The following KCNB2 variants were observed in gnomAD, a reference collection of about 807,000 sequenced individuals.
KCNB2 encodes the protein potassium voltage-gated channel subfamily B member 2.
KCNB2 carries 15 observed loss-of-function variants against 61.5 expected under a neutral mutation model. The ratio of observed to expected loss-of-function variants is 0.24; its 90% confidence interval spans 0.16 to 0.38. The LOEUF (loss-of-function observed/expected upper bound fraction) is 0.38, where lower values mean the gene tolerates loss of function less well. KCNB2 is among the 10% of genes least tolerant of loss of function. KCNB2 has a pLI of 1.00. For missense variants in KCNB2, 828 were observed against 1,125.2 expected (o/e 0.74, Z 3.78); for synonymous variants, 457 against 446.0 (o/e 1.02, Z -0.31).
intron 2 of KCNB2, among the ~76,000 whole-genome samples, chr8:72,833,515 C>T (rs1213298645): frequency 6.6e-6 from 1 of 152,072 alleles, no homozygotes; most frequent in Non-Finnish European, 1.5e-5. Context: ...ACCAGTAACT[C>T]TCTGCTCTAT....
At chr8:72,601,531 T>C (rs1187600786) in intron 2 of KCNB2, among the ~76,000 whole-genome samples, 1 of 152,206 alleles carries the variant, frequency 6.6e-6, no homozygotes, top group East Asian at 1.9e-4. Context: ...TTGGTGGTAA[T>C]ATACACATGA....
intron 2 of KCNB2, among the ~76,000 whole-genome samples, chr8:72,812,341 C>A (rs541814477): frequency 6.6e-6 from 1 of 151,514 alleles, no homozygotes; most frequent in East Asian, 1.9e-4. Context: ...AAAATAGTAC[C>A]AGATTTACTT....
intron 2 of KCNB2, chr8:72,751,483 GC>G (rs1035945277): frequency 1.3e-5 from 2 of 152,084 alleles, no homozygotes; most frequent in African/African-American, 4.8e-5. Context: ...CAAAAGTTTA[GC>G]CTCTTCCCTA....
intron 2 of KCNB2, among the ~76,000 whole-genome samples, chr8:72,769,067 G>A (rs1412005824): frequency 1.3e-5 from 2 of 152,110 alleles, no homozygotes; most frequent in African/African-American, 2.4e-5. Context: ...GGCTGAGGCA[G>A]GAGAATTGCT....
At chr8:72,836,516 T>C (rs1280219611) in intron 2 of KCNB2, among the ~76,000 whole-genome samples, 1 of 152,184 alleles carries the variant, frequency 6.6e-6, no homozygotes, top group African/African-American at 2.4e-5. Context: ...AACAAGATAA[T>C]GTGTTCCTTT....
intron 2 of KCNB2, among the ~76,000 whole-genome samples, chr8:72,857,451 AG>A (rs1361108193): frequency 6.6e-6 from 1 of 152,202 alleles, no homozygotes; most frequent in African/African-American, 2.4e-5. Flanking sequence ...TGAAGAGTGC[AG>A]GGTAGAACTT....
chr8:72,799,859 G>A (rs971403726), intron 2 of KCNB2, among the ~76,000 whole-genome samples: 1 of 152,126 alleles, frequency 6.6e-6, no homozygotes, highest in Non-Finnish European at 1.5e-5. Flanking sequence ...TGTTCAATAT[G>A]AGCCCTGAAG....
chr8:72,685,363 T>C (rs1806833245), intron 2 of KCNB2, among the ~76,000 whole-genome samples: 1 of 152,178 alleles, frequency 6.6e-6, no homozygotes, highest in African/African-American at 2.4e-5. Context: ...TGGGCAGTGT[T>C]AATTAATTCA....
chr8:72,760,922 C>T (rs1808368090), intron 2 of KCNB2, among the ~76,000 whole-genome samples: 1 of 152,108 alleles, frequency 6.6e-6, no homozygotes, highest in South Asian at 2.1e-4. Context: ...AAACAGAGCT[C>T]ATCACCTCCC....
intron 2 of KCNB2, among the ~76,000 whole-genome samples, chr8:72,682,237 C>CA (rs1806768635): frequency 6.6e-6 from 1 of 152,120 alleles, no homozygotes; most frequent in Admixed American, 6.5e-5. Context: ...ATGGCTACCC[C>CA]ACCTAACATA....
intron 2 of KCNB2, among the ~76,000 whole-genome samples, chr8:72,684,816 A>C (rs149253197): frequency 8.5e-5 from 13 of 152,316 alleles, no homozygotes; most frequent in African/African-American, 3.1e-4. Flanking sequence ...GATTTCTGAG[A>C]TGTGCACCTC....
chr8:72,552,253 A>G (rs1378156247), intron 1 of KCNB2, among the ~76,000 whole-genome samples: 1 of 152,140 alleles, frequency 6.6e-6, no homozygotes, highest in African/African-American at 2.4e-5. Context: ...TAAGAACAGA[A>G]CTTATTTCTT....
chr8:72,849,008 T>G (rs1437829491), intron 2 of KCNB2, among the ~76,000 whole-genome samples: 2 of 150,340 alleles, frequency 1.3e-5, no homozygotes, highest in Non-Finnish European at 3.0e-5. Context: ...TTTCATCATC[T>G]TTAACATTAT....
intron 2 of KCNB2, among the ~76,000 whole-genome samples, chr8:72,791,115 T>C (rs1808934904): frequency 1.3e-5 from 2 of 151,806 alleles, no homozygotes; most frequent in Non-Finnish European, 2.9e-5. Flanking sequence ...ATGTTCAGAG[T>C]GATTAGTATG....
intron 2 of KCNB2, among the ~76,000 whole-genome samples, chr8:72,596,842 A>G (rs921103148): frequency 6.6e-6 from 1 of 152,016 alleles, no homozygotes; most frequent in Non-Finnish European, 1.5e-5. Context: ...TATCACATGC[A>G]TGATGCCAAA....
At chr8:72,717,332 C>G (rs1410889990) in intron 2 of KCNB2, among the ~76,000 whole-genome samples, 1 of 152,030 alleles carries the variant, frequency 6.6e-6, no homozygotes, top group African/African-American at 2.4e-5. Context: ...CATACGGAAC[C>G]AAAAAAGAGC....
chr8:72,733,288 A>T (rs1371810910), intron 2 of KCNB2, among the ~76,000 whole-genome samples: 1 of 152,190 alleles, frequency 6.6e-6, no homozygotes, highest in Non-Finnish European at 1.5e-5. Context: ...TTAAAATACA[A>T]GCCAACTAGA....
At chr8:72,704,500 GGTGTGTGTGTGTGTGT>G (rs10524175) in intron 2 of KCNB2, among the ~76,000 whole-genome samples, 27,341 of 147,578 alleles carry the variant, frequency 0.19, 3,365 homozygotes, top group African/African-American at 0.35. Context: ...AGAGAAAGCT[GGTGTGTGTGTGTGTGT>G]GTGTGTGTGT....
chr8:72,647,240 A>G (rs1334496919), intron 2 of KCNB2, among the ~76,000 whole-genome samples: 3 of 152,134 alleles, frequency 2.0e-5, no homozygotes, highest in Non-Finnish European at 4.4e-5. Context: ...ACTCTCTACT[A>G]AGGAAACTAA....
Sources: allele counts gnomAD v4.1 joint callset (sites outside exome capture counted in the v4.1 genomes callset), GRCh38; gene constraint gnomAD v4.1.1; transcripts MANE v1.5; gene names NCBI Gene and HGNC (gene_info 2026-07-23, HGNC 2026-07-21).